The following CPED1 variants were observed in gnomAD, a reference collection of about 807,000 sequenced individuals.
CPED1 encodes cadherin like and PC-esterase domain containing 1.
CPED1 carries 114 observed loss-of-function variants against 128.2 expected under a neutral mutation model. The observed-to-expected ratio is 0.89, with a 90% CI of 0.76 to 1.04. CPED1 has a LOEUF of 1.04. Among genes scored for constraint, CPED1 ranks in the 50% least tolerant of loss-of-function variants. The pLI, the probability that CPED1 is intolerant of heterozygous loss-of-function variation, is 0.00. For missense variants in CPED1, 1,211 were observed against 1,207.1 expected, an observed-to-expected ratio of 1.00 and a Z score of -0.05; for synonymous variants, 462 against 426.7, an observed-to-expected ratio of 1.08 and a Z score of -1.02.
chr7:121,015,045 A>G (rs1792264078), intron 2 of CPED1, among the ~76,000 whole-genome samples: 2 of 152,230 alleles, frequency 1.3e-5, no homozygotes, highest in African/African-American at 4.8e-5. Flanking sequence ...TGAAAGAGCA[A>G]TAAACTATTG....
chr7:121,287,955 T>G (rs1229069260), intron 22 of CPED1, among the ~76,000 whole-genome samples: 1 of 152,240 alleles, frequency 6.6e-6, no homozygotes, highest in African/African-American at 2.4e-5. Context: ...AATTTTCAAA[T>G]GTTAACTTTA....
chr7:121,086,980 A>T (rs1563020434), intron 5 of CPED1, among the ~76,000 whole-genome samples: 1 of 152,238 alleles, frequency 6.6e-6, no homozygotes, highest in Admixed American at 6.5e-5. Context: ...AACCCCAGCC[A>T]TGAGGGCTTG....
chr7:121,176,643 G>C (rs1422010861), intron 16 of CPED1, among the ~76,000 whole-genome samples: 1 of 152,004 alleles, frequency 6.6e-6, no homozygotes, highest in Non-Finnish European at 1.5e-5. Flanking sequence ...AAAAATATCT[G>C]AAAGGTGTAA....
intron 16 of CPED1, among the ~76,000 whole-genome samples, chr7:121,230,673 T>A (rs1471206213): frequency 1.3e-5 from 2 of 151,990 alleles, no homozygotes; most frequent in Non-Finnish European, 2.9e-5. Flanking sequence ...CAATTTCCTG[T>A]TTCACAAGCA....
Position 121,088,763 on chromosome 7 carries a change from C to CAAAAAAAAAAAAAAAAAAAA in CPED1, c.617-8926_617-8907dup. 7.6e-3 allele frequency among the ~76,000 whole-genome samples: 408 copies of CAAAAAAAAAAAAAAAAAAAA among 53,798 alleles called. 48 individuals carry two copies. Among genetic ancestry groups the CAAAAAAAAAAAAAAAAAAAA allele is most frequent in the Middle Eastern group, 0.014 (1 of 72 alleles). The allele number at this position is 53,798 out of a possible 152,430, so 35.3% of individuals were successfully genotyped here. A position where few individuals can be genotyped will look rare whatever the true frequency, so the allele number is the denominator to read the frequency against. On this transcript the variant is annotated intron_variant, in intron 5 of 22. Coordinates refer to ENST00000310396, the MANE Select transcript of CPED1 (RefSeq NM_024913.5). The stretch of plus-strand genomic sequence containing the variant: ...AAGTTAAAATCTAGGCAAAAATTGG[C>CAAAAAAAAAAAAAAAAAAAA]AAAAAAAAAAAAAAAAAAAAAAAAA...
chr7:121,022,093 A>G (rs1792454377), intron 3 of CPED1, among the ~76,000 whole-genome samples: 2 of 152,114 alleles, frequency 1.3e-5, no homozygotes, highest in Middle Eastern at 3.4e-3. Flanking sequence ...GTCAGGGACC[A>G]TGTCTTTTAT....
intron 14 of CPED1, among the ~76,000 whole-genome samples, chr7:121,138,321 C>T (rs1001093100): frequency 3.9e-5 from 6 of 152,042 alleles, no homozygotes; most frequent in South Asian, 2.1e-4. Context: ...CACCGTACCT[C>T]GTGCTGGGTT....
intron 16 of CPED1, among the ~76,000 whole-genome samples, chr7:121,214,953 T>A (rs1324259643): frequency 2.0e-5 from 3 of 152,074 alleles, no homozygotes; most frequent in Non-Finnish European, 4.4e-5. Context: ...CATTAAGACA[T>A]GTAATGGGAT....
intron 7 of CPED1, among the ~76,000 whole-genome samples, chr7:121,108,158 A>G (rs998408221): frequency 6.6e-6 from 1 of 152,136 alleles, no homozygotes; most frequent in Non-Finnish European, 1.5e-5. Flanking sequence ...GTCCAATGGC[A>G]AGAGGAAAAA....
At chr7:121,240,342 G>A (rs1057449965) in intron 17 of CPED1, among the ~76,000 whole-genome samples, 2 of 152,076 alleles carry the variant, frequency 1.3e-5, no homozygotes, top group African/African-American at 2.4e-5. Context: ...GTAAGGGTAG[G>A]ATGCATATGC....
At chr7:121,294,038 T>C (rs1792769408) in intron 22 of CPED1, among the ~76,000 whole-genome samples, 1 of 151,888 alleles carries the variant, frequency 6.6e-6, no homozygotes, top group Non-Finnish European at 1.5e-5. Context: ...TCCCTTCCTC[T>C]CTTTTTCTAC....
chr7:121,047,687 TCTTCTTCTTCTTCTTCTTCTTCTTCTTC>T (rs1563004871), intron 4 of CPED1, among the ~76,000 whole-genome samples: 101 of 102,540 alleles, frequency 9.8e-4, no homozygotes, highest in African/African-American at 9.4e-4. Context: ...TTCTTCTTCT[TCTTCTTCTTCTTCTTCTTCTTCTTCTTC>T]TTTTTTTTTT....
At chr7:120,989,995 T>C (rs1393596168) in intron 2 of CPED1, 125 bp downstream of exon 2, 48 of 1,130,638 alleles carry the variant, frequency 4.2e-5, no homozygotes, top group Non-Finnish European at 5.8e-5. Context: ...GTAAACAGCC[T>C]AGAGAGTGAC....
At chr7:121,189,799 A>AT (rs58389973) in intron 16 of CPED1, among the ~76,000 whole-genome samples, 1,196 of 31,218 alleles carry the variant, frequency 0.038, 53 homozygotes, top group East Asian at 0.074. Flanking sequence ...TATATATATA[A>AT]AATTTGTATT....
intron 16 of CPED1, among the ~76,000 whole-genome samples, chr7:121,206,872 A>C (rs140694356): frequency 6.6e-6 from 1 of 152,144 alleles, no homozygotes; most frequent in East Asian, 1.9e-4. Flanking sequence ...CAGTCACACT[A>C]TGCTCCGAGG....
intron 5 of CPED1, among the ~76,000 whole-genome samples, chr7:121,089,208 T>C (rs1263319488): frequency 6.6e-6 from 1 of 151,684 alleles, no homozygotes; most frequent in African/African-American, 2.4e-5. Context: ...GTTTCTGGCA[T>C]TTGGAGCTCT....
intron 22 of CPED1, among the ~76,000 whole-genome samples, chr7:121,283,284 A>G (rs1792497610): frequency 6.6e-6 from 1 of 152,208 alleles, no homozygotes; most frequent in Admixed American, 6.5e-5. Flanking sequence ...CCTCATTTTA[A>G]TCTGCAATGT....
rs1460959101 is a variant in CPED1 at position 121,258,898 on chromosome 7, A to C, written c.2311-7329A>C. 2.0e-5 allele frequency among the ~76,000 whole-genome samples: 3 copies of C among 152,186 alleles called. No individual in the cohort carries two copies. In the East Asian group the frequency reaches 5.8e-4, roughly 29 times the overall value. ...CTACAAAAACTTTATTTTCAATGCTAATCACATCACAGCAAGCTTCTACTT... is the reference window on the plus strand; with the variant it reads ...CTACAAAAACTTTATTTTCAATGCTCATCACATCACAGCAAGCTTCTACTT... On this transcript the variant is annotated intron_variant, in intron 18 of 22. Transcript: ENST00000310396.
At position 121,001,957 on chromosome 7, in the gene CPED1, A is replaced by T. The variant is rs974910411; in HGVS notation, c.249+12087A>T. Among the ~76,000 whole-genome samples, 3 of 151,950 alleles carry T rather than the reference A, an allele frequency of 2.0e-5. No homozygotes were observed. In the East Asian group the frequency reaches 5.8e-4, roughly 29 times the overall value. On this transcript the variant is annotated intron_variant, in intron 2 of 22. Transcript: ENST00000310396. ...AGAATGATATCATTAAAATATTCTCATTGCATTTGGTGCCTCTTGGGAAAA... is the reference window on the plus strand; with the variant it reads ...AGAATGATATCATTAAAATATTCTCTTTGCATTTGGTGCCTCTTGGGAAAA...
Sources: allele counts gnomAD v4.1 joint callset (sites outside exome capture counted in the v4.1 genomes callset), GRCh38; gene constraint gnomAD v4.1.1; transcripts MANE v1.5; gene names NCBI Gene and HGNC (gene_info 2026-07-23, HGNC 2026-07-21).